The following CCR2 variants were observed in gnomAD, a reference collection of about 807,000 sequenced individuals.
CCR2 encodes the protein C-C chemokine receptor type 2.
For missense variants in CCR2, 408 were observed against 440.0 expected, an observed-to-expected ratio of 0.93 and a Z score of 0.65; for synonymous variants, 183 against 177.1, an observed-to-expected ratio of 1.03 and a Z score of -0.27.
intron 1 of CCR2, among the ~76,000 whole-genome samples, chr3:46,356,591 T>A (rs889288381): frequency 6.6e-6 from 1 of 152,154 alleles, no homozygotes; most frequent in Non-Finnish European, 1.5e-5. Flanking sequence ...GAGAGAATCA[T>A]CAGTTAGAAC....
At position 46,357,905 on chromosome 3, in the gene CCR2, C is replaced by T. The variant is rs759124459; in HGVS notation, c.378C>T (p.Gly126=). Residue 126 remains glycine, a synonymous_variant, in exon 2 of 2, where the codon GGC becomes GGT. Transcript: ENST00000445132. ...FTGLYHIGYF[G]GIFFIILLTI... ...GGCTGTATCACATCGGTTATTTTGGCGGAATCTTCTTCATCATCCTCCTGA... is the reference window on the plus strand; with the variant it reads ...GGCTGTATCACATCGGTTATTTTGGTGGAATCTTCTTCATCATCCTCCTGA... The T allele has an allele frequency of 2.0e-5, 33 of 1,614,006 alleles. No individual in the cohort carries two copies. Among genetic ancestry groups the T allele is most frequent in the Admixed American group, 1.7e-4 (10 of 59,998 alleles).
In CCR2 at chr3:46,360,737, T is replaced by C. The variant is rs1264526236; in HGVS notation, c.*2127T>C. ...CTAGACTCCCAAGCTGGACTATGGC[T>C]CTACTTTCAGGCCACATGGCTAAAG... On this transcript the variant is annotated 3_prime_UTR_variant, in exon 2 of 2. Transcript: ENST00000445132. 4 of 152,228 alleles carry C rather than the reference T, an allele frequency of 2.6e-5. No individual in the cohort carries two copies. The highest frequency in any genetic ancestry group is 9.7e-5 in the African/African-American group (4 of 41,450). The allele number at this position is 152,228 out of a possible 1,614,324, so 9.4% of individuals were successfully genotyped here.
At position 46,358,668 on chromosome 3, in the gene CCR2, C is replaced by T; in HGVS notation, c.*58C>T. 6.6e-7 allele frequency: 1 copy of T among 1,506,918 alleles called. No individual in the cohort carries two copies. Among genetic ancestry groups the T allele is most frequent in the Non-Finnish European group, 8.9e-7 (1 of 1,125,930 alleles). The allele number at this position is 1,506,918 out of a possible 1,614,324, so 93.3% of individuals were successfully genotyped here. On this transcript the variant is annotated 3_prime_UTR_variant, in exon 2 of 2. Coordinates refer to ENST00000445132, the MANE Select transcript of CCR2 (RefSeq NM_001123396.4). ...GGAGATAACAATCTGTATATAACAA[C>T]AAACTTCAAGGGTTTGTTGAACAAT... is the stretch of plus-strand genomic sequence containing the variant.
In CCR2 at chr3:46,358,286, T is replaced by C; in HGVS notation, c.759T>C (p.Phe253=). 1 of 1,614,170 alleles carries C rather than the reference T, an allele frequency of 6.2e-7. No individual in the cohort carries two copies. Among genetic ancestry groups the C allele is most frequent in the Non-Finnish European group, 8.5e-7 (1 of 1,180,018 alleles). Residue 253 remains phenylalanine, a synonymous_variant, in exon 2 of 2, where the codon TTT becomes TTC. Transcript: ENST00000445132. The part of the protein sequence containing the change: ...RVIFTIMIVY[F]LFWTPYNIVI... The stretch of plus-strand genomic sequence containing the variant: ...TCTTCACCATCATGATTGTTTACTT[T>C]CTCTTCTGGACTCCCTATAATATTG...
At position 46,359,898 on chromosome 3, in the gene CCR2, G is replaced by A. The variant is rs375494511; in HGVS notation, c.*1288G>A. 30 of 1,569,436 alleles carry A rather than the reference G, an allele frequency of 1.9e-5. No homozygotes were observed. The highest frequency in any genetic ancestry group is 7.9e-5 in the South Asian group (7 of 88,988). On this transcript the variant is annotated 3_prime_UTR_variant, in exon 2 of 2. Transcript: ENST00000445132. ...CAGATCTCTGCTTTGGAAATCACAC[G>A]TCTGGCTTCACAGATGTGTGATTCA...
rs1369908429 is a variant in CCR2 at position 46,360,765 on chromosome 3, G to C, written c.*2155G>C. 1 of 152,180 alleles carries C rather than the reference G, an allele frequency of 6.6e-6. No individual in the cohort carries two copies. The highest frequency in any genetic ancestry group is 1.5e-5 in the Non-Finnish European group (1 of 68,030). 9.4% of individuals were successfully genotyped at this position (152,180 alleles called of 1,614,324 possible). ...ACTTTCAGGCCACATGGCTAAAGAA[G>C]GTTTCAGAAAGAAGTGGGGACAGAG... On this transcript the variant is annotated 3_prime_UTR_variant, in exon 2 of 2. Transcript: ENST00000445132.
At chr3:46,356,771 A>G (rs1701459996) in intron 1 of CCR2, among the ~76,000 whole-genome samples, 1 of 152,084 alleles carries the variant, frequency 6.6e-6, no homozygotes, top group Non-Finnish European at 1.5e-5. Context: ...TACAAAAATT[A>G]GCGGGGCATG....
At chr3:46,357,441 G>A in intron 1 of CCR2, 36 bp from the exon 2 acceptor site, 2 of 1,400,316 alleles carry the variant, frequency 1.4e-6, no homozygotes, top group Non-Finnish European at 2.0e-6. Flanking sequence ...TGCGGTGTTT[G>A]TGTTGTGTGG....
rs374603768 is a variant in CCR2 at position 46,357,504 on chromosome 3, G to A, written c.-24G>A. ...CAGAGAAAGTGGATTGAACAAGGAC[G>A]CATTTCCCCAGTACATCCACAACAT... On this transcript the variant is annotated 5_prime_UTR_variant, in exon 2 of 2. Coordinates refer to ENST00000445132, the MANE Select transcript of CCR2 (RefSeq NM_001123396.4). 92 of 1,606,186 alleles carry A rather than the reference G, an allele frequency of 5.7e-5. No homozygotes were observed. Among genetic ancestry groups the A allele is most frequent in the African/African-American group, 1.5e-4 (11 of 74,734 alleles).
In CCR2 at chr3:46,359,751, C is replaced by A. The variant is rs549990114; in HGVS notation, c.*1141C>A. The A allele has an allele frequency of 5.6e-6, 9 of 1,614,036 alleles. No homozygotes were observed. The African/African-American group carries it at 9.3e-5, about 17-fold the overall frequency. On this transcript the variant is annotated 3_prime_UTR_variant, in exon 2 of 2. Coordinates refer to ENST00000445132, the MANE Select transcript of CCR2 (RefSeq NM_001123396.4). ...GTGTGTGGAGGTCCAGGAGTGAGAC[C>A]AGGAAAGAATGTGAAAGTGACTACA...
chr3:46,358,047 C>T lies in CCR2; in HGVS notation c.520C>T (p.Pro174Ser). ...GTTGGTGGCTGTGTTTGCTTCTGTC[C>T]CAGGAATCATCTTTACTAAATGCCA... Reference protein sequence around the residue: ...TWLVAVFASVPGIIFTKCQKE... With the variant: ...TWLVAVFASVSGIIFTKCQKE... Residue 174 changes from proline (P) to serine (S), a missense_variant, in exon 2 of 2, where the codon CCA (proline) becomes TCA (serine). By Grantham distance (74) the Pro-to-Ser change is moderately conservative. Transcript: ENST00000445132. 6.2e-7 allele frequency: 1 copy of T among 1,614,086 alleles called. No individual in the cohort carries two copies. Among genetic ancestry groups the T allele is most frequent in the Non-Finnish European group, 8.5e-7 (1 of 1,179,994 alleles).
intron 1 of CCR2, among the ~76,000 whole-genome samples, chr3:46,356,362 G>A (rs1409024085): frequency 6.6e-6 from 1 of 152,158 alleles, no homozygotes; most frequent in African/African-American, 2.4e-5. Flanking sequence ...TTAAGGTGTG[G>A]GCACGGGGAG....
At chr3:46,356,721 C>A (rs1701459201) in intron 1 of CCR2, among the ~76,000 whole-genome samples, 1 of 152,134 alleles carries the variant, frequency 6.6e-6, no homozygotes, top group South Asian at 2.1e-4. Flanking sequence ...AGACCGAGAC[C>A]ATCCTGGCCA....
Position 46,359,660 on chromosome 3 carries a change from TTC to T in CCR2, c.*1054_*1055del, listed in dbSNP as rs767422591. The T allele has an allele frequency of 9.4e-6, 15 of 1,603,254 alleles. No individual in the cohort carries two copies. Among genetic ancestry groups the T allele is most frequent in the Non-Finnish European group, 1.2e-5 (14 of 1,176,582 alleles). ...CCCTGCCTTGCCACTCCCCTCACTC[TTC>T]TCTTTTCCCCACAGCCTTTTTCACA... On this transcript the variant is annotated 3_prime_UTR_variant, in exon 2 of 2. Transcript: ENST00000445132.
chr3:46,359,906 T>TGTGAATCA lies in CCR2; in HGVS notation c.*1296_*1297insGTGAATCA. 6.5e-7 allele frequency: 1 copy of TGTGAATCA among 1,547,300 alleles called. No individual in the cohort carries two copies. The highest frequency in any genetic ancestry group is 8.9e-7 in the Non-Finnish European group (1 of 1,127,236). ...TGCTTTGGAAATCACACGTCTGGCT[T>TGTGAATCA]CACAGATGTGTGATTCACAGTGTGA... On this transcript the variant is annotated 3_prime_UTR_variant, in exon 2 of 2. Coordinates refer to ENST00000445132, the MANE Select transcript of CCR2 (RefSeq NM_001123396.4).
Position 46,358,621 on chromosome 3 carries a change from A to G in CCR2, c.*11A>G. 3.9e-6 allele frequency: 6 copies of G among 1,556,954 alleles called. No homozygotes were observed. Among genetic ancestry groups the G allele is most frequent in the Non-Finnish European group, 3.5e-6 (4 of 1,149,012 alleles). The stretch of plus-strand genomic sequence containing the variant: ...TCGGCTGGTTTATAAAACGAGGAGC[A>G]GTTTGATTGTTGTTTATAAAGGGAG... On this transcript the variant is annotated 3_prime_UTR_variant, in exon 2 of 2. Coordinates refer to ENST00000445132, the MANE Select transcript of CCR2 (RefSeq NM_001123396.4).
rs778126463 is a variant in CCR2 at position 46,359,648 on chromosome 3, C to T, written c.*1038C>T. The T allele has an allele frequency of 1.9e-6, 3 of 1,590,660 alleles. No homozygotes were observed. Among genetic ancestry groups the T allele is most frequent in the Non-Finnish European group, 2.6e-6 (3 of 1,171,420 alleles). On this transcript the variant is annotated 3_prime_UTR_variant, in exon 2 of 2. Coordinates refer to ENST00000445132, the MANE Select transcript of CCR2 (RefSeq NM_001123396.4). ...GTGCTTGCTTTTCCCTGCCTTGCCA[C>T]TCCCCTCACTCTTCTCTTTTCCCCA...
Position 46,358,219 on chromosome 3 carries a change from G to A in CCR2, c.692G>A (p.Arg231Gln), listed in dbSNP as rs746514238. Residue 231 changes from arginine to glutamine, a missense_variant, in exon 2 of 2, where the codon CGG becomes CAG. Arg to Gln is a conservative substitution (Grantham distance 43, BLOSUM62 1). Coordinates refer to ENST00000445132, the MANE Select transcript of CCR2 (RefSeq NM_001123396.4). The part of the protein sequence containing the change: ...CYSGILKTLL[R>Q]CRNEKKRHRA... ...TCGGGAATCCTGAAAACCCTGCTTC[G>A]GTGTCGAAACGAGAAGAAGAGGCAT... The A allele has an allele frequency of 2.7e-5, 43 of 1,614,014 alleles. No homozygotes were observed. The highest frequency in any genetic ancestry group is 8.8e-5 in the South Asian group (8 of 91,076).
chr3:46,358,776 G>A lies in CCR2; in HGVS notation c.*166G>A. On this transcript the variant is annotated 3_prime_UTR_variant, in exon 2 of 2. Transcript: ENST00000445132. ...ATGTCACCCAATGCATATCCAACATGTGCTCAGGGAATAATCCAGAAAAAC... is the reference window on the plus strand; with the variant it reads ...ATGTCACCCAATGCATATCCAACATATGCTCAGGGAATAATCCAGAAAAAC... 1 of 1,422,578 alleles carries A rather than the reference G, an allele frequency of 7.0e-7. No homozygotes were observed. The highest frequency in any genetic ancestry group is 9.2e-7 in the Non-Finnish European group (1 of 1,085,340). 88.1% of individuals were successfully genotyped at this position (1,422,578 alleles called of 1,614,324 possible).
Sources: gnomAD v4.1 joint callset for allele counts (sites outside exome capture counted in the v4.1 genomes callset) on GRCh38, gnomAD v4.1.1 for gene constraint, MANE v1.5 for transcripts, NCBI Gene and HGNC (gene_info 2026-07-23, HGNC 2026-07-21) for gene names.